FBXO24: variants seen among roughly 807,000 people sequenced by gnomAD.
FBXO24 encodes F-box protein 24.
Under a neutral mutation model 63.5 loss-of-function variants are expected in FBXO24, and 30 were observed. That is an observed-to-expected ratio of 0.47 (90% confidence interval 0.35 to 0.64). FBXO24 has a LOEUF of 0.64. FBXO24 is among the 30% of genes least tolerant of loss of function. The probability of loss-of-function intolerance (pLI) is 0.00; values close to 1 mark genes in which losing one functional copy is unlikely to be tolerated. For missense variants in FBXO24, 624 were observed against 763.4 expected, an observed-to-expected ratio of 0.82 and a Z score of 2.15; for synonymous variants, 300 against 305.0, an observed-to-expected ratio of 0.98 and a Z score of 0.17.
rs1802565336 is a variant in FBXO24, at chr7:100,600,723, C to T, written c.1567C>T (p.Leu523Phe). The T allele has an allele frequency of 6.2e-7, 1 of 1,614,184 alleles. No individual in the cohort carries two copies. Among genetic ancestry groups the T allele is most frequent in the Non-Finnish European group, 8.5e-7 (1 of 1,180,028 alleles). ...GGMAQACEEY[L>F]SQIHSCQTLQ... ...GATGGCCCAGGCCTGCGAGGAGTAC[C>T]TCAGCCAGATCCACAGTTGCCAAAC... is the stretch of plus-strand genomic sequence containing the variant. Residue 523 changes from leucine (L) to phenylalanine (F), a missense_variant, in exon 10 of 10, where the codon CTC becomes TTC. Around this residue, in one of 3 missense-constraint regions of FBXO24, gnomAD observed 216 missense variants for 245.2 expected, o/e 0.88. Coordinates refer to ENST00000241071, the MANE Select transcript of FBXO24 (RefSeq NM_033506.3). This position sits in a 1 kb window ranked among gnomAD's most constrained non-coding sequence, Gnocchi z 6.3.
At chr7:100,586,787 A>G (rs775696010) in intron 1 of FBXO24, 123 bp downstream of exon 1, 2 of 1,056,712 alleles carry the variant, frequency 1.9e-6, no homozygotes, top group Admixed American at 1.8e-5. Flanking sequence ...GCCGGCGTCC[A>G]GGGCTTGAGG....
chr7:100,600,613 C>A lies in FBXO24; in HGVS notation c.1457C>A (p.Ala486Asp), dbSNP rs760585328. 17 of 1,613,354 alleles carry A rather than the reference C, an allele frequency of 1.1e-5. No individual in the cohort carries two copies. The highest frequency in any genetic ancestry group is 1.4e-5 in the Non-Finnish European group (17 of 1,179,566). ...TCCAGCCACGACATTGAGCAGCACGCCCCCTATCGCCACCTGCCAGCCAGC... is the reference window on the plus strand; with the variant it reads ...TCCAGCCACGACATTGAGCAGCACGACCCCTATCGCCACCTGCCAGCCAGC... ...ILSSHDIEQH[A>D]PYRHLPASRV... Residue 486 changes from alanine to aspartate, a missense_variant, in exon 10 of 10, where the codon GCC becomes GAC. By Grantham distance (126) the Ala-to-Asp change is moderately radical. Coordinates refer to ENST00000241071, the MANE Select transcript of FBXO24 (RefSeq NM_033506.3). This position sits in a 1 kb window ranked among gnomAD's most constrained non-coding sequence, Gnocchi z 6.3.
chr7:100,592,938 G>T lies in FBXO24; in HGVS notation c.714G>T (p.Met238Ile). 1 of 1,614,174 alleles carries T rather than the reference G, an allele frequency of 6.2e-7. No homozygotes were observed. The highest frequency in any genetic ancestry group is 1.1e-5 in the South Asian group (1 of 91,070). ...CTAGTGGGCAGCGGGTCTTCAAGAT[G>T]ACATTCCACCACTCAATGACCTTCA... ...LQSSGQRVFK[M>I]TFHHSMTFKQ... is the part of the protein sequence containing the mutation. Residue 238 changes from methionine to isoleucine, a missense_variant, in exon 5 of 10, where the codon ATG becomes ATT. Met to Ile is a conservative substitution (Grantham distance 10). This residue lies in a region of FBXO24 where 391 missense variants were observed against 469.1 expected (regional missense o/e 0.83). Transcript: ENST00000241071.
At chr7:100,589,165 C>T (rs1356756046) in intron 1 of FBXO24, among the ~76,000 whole-genome samples, 2 of 152,136 alleles carry the variant, frequency 1.3e-5, no homozygotes, top group Non-Finnish European at 1.5e-5. Flanking sequence ...TTTCACAAGT[C>T]TAAAGAGTTT....
chr7:100,594,671 G>C lies in FBXO24; in HGVS notation c.952+130G>C. The C allele has an allele frequency of 9.0e-7, 1 of 1,105,550 alleles. No individual in the cohort carries two copies. The highest frequency in any genetic ancestry group is 1.2e-6 in the Non-Finnish European group (1 of 818,492). 68.5% of individuals were successfully genotyped at this position (1,105,550 alleles called of 1,614,324 possible). Reference sequence around the variant, plus strand: ...ATCCTAGTGAAAAGATGTGTTTAGGGCCGGCATGGTGACTCATGCCTGTAA... The same window carrying C: ...ATCCTAGTGAAAAGATGTGTTTAGGCCCGGCATGGTGACTCATGCCTGTAA... On this transcript the variant is annotated intron_variant, in intron 6 of 9. Coordinates refer to ENST00000241071, the MANE Select transcript of FBXO24 (RefSeq NM_033506.3). The surrounding 1 kb of genome is among the most constrained non-coding windows in gnomAD (Gnocchi z 4.2).
Position 100,586,532 on chromosome 7 carries a change from T to G in FBXO24, c.-94T>G. The G allele has an allele frequency of 7.5e-7, 1 of 1,325,128 alleles. No individual in the cohort carries two copies. The highest frequency in any genetic ancestry group is 1.2e-5 in the South Asian group (1 of 83,874). 82.1% of individuals were successfully genotyped at this position (1,325,128 alleles called of 1,614,324 possible). A position where few individuals can be genotyped will look rare whatever the true frequency, so the allele number is the denominator to read the frequency against. ...CCCCAAAGACCAATCGTAAGCCAGA[T>G]ACAGGCGAGTGACTGTCAAGAAGGC... On this transcript the variant is annotated 5_prime_UTR_variant, in exon 1 of 10. Coordinates refer to ENST00000241071, the MANE Select transcript of FBXO24 (RefSeq NM_033506.3).
In FBXO24 at chr7:100,592,944, C is replaced by A; in HGVS notation, c.720C>A (p.Phe240Leu). 6.2e-7 allele frequency: 1 copy of A among 1,614,162 alleles called. No individual in the cohort carries two copies. Among genetic ancestry groups the A allele is most frequent in the Non-Finnish European group, 8.5e-7 (1 of 1,180,042 alleles). ...GGCAGCGGGTCTTCAAGATGACATTCCACCACTCAATGACCTTCAAGCAGA... is the reference window on the plus strand; with the variant it reads ...GGCAGCGGGTCTTCAAGATGACATTACACCACTCAATGACCTTCAAGCAGA... ...SSGQRVFKMT[F>L]HHSMTFKQIV... Residue 240 changes from phenylalanine to leucine, a missense_variant, in exon 5 of 10, where the codon TTC becomes TTA. By Grantham distance (22) the Phe-to-Leu change is conservative. Coordinates refer to ENST00000241071, the MANE Select transcript of FBXO24 (RefSeq NM_033506.3).
At position 100,586,492 on chromosome 7, in the gene FBXO24, T is replaced by A. The variant is rs996199404; in HGVS notation, c.-134T>A. Reference sequence around the variant, plus strand: ...GGGCCGAGGGACCGCAAGCAGGGGGTGCCTAGTCCTCGTCCCCCAAAGACC... The same window carrying A: ...GGGCCGAGGGACCGCAAGCAGGGGGAGCCTAGTCCTCGTCCCCCAAAGACC... On this transcript the variant is annotated 5_prime_UTR_variant, in exon 1 of 10. Transcript: ENST00000241071. The A allele has an allele frequency of 3.0e-5, 27 of 889,932 alleles. No individual in the cohort carries two copies. The highest frequency in any genetic ancestry group is 2.2e-4 in the Middle Eastern group (1 of 4,580). 55.1% of individuals were successfully genotyped at this position (889,932 alleles called of 1,614,324 possible).
chr7:100,592,978 G>T lies in FBXO24; in HGVS notation c.754G>T (p.Val252Phe). 6.2e-7 allele frequency: 1 copy of T among 1,614,138 alleles called. No homozygotes were observed. Among genetic ancestry groups the T allele is most frequent in the Non-Finnish European group, 8.5e-7 (1 of 1,180,030 alleles). ...HSMTFKQIVL[V>F]GQETQRALLL... ...AATGACCTTCAAGCAGATCGTGCTGGTTGGTCAGGAGACCCAGCGGGCTCT... is the reference window on the plus strand; with the variant it reads ...AATGACCTTCAAGCAGATCGTGCTGTTTGGTCAGGAGACCCAGCGGGCTCT... Residue 252 changes from valine to phenylalanine, a missense_variant, in exon 5 of 10, where the codon GTT (valine) becomes TTT (phenylalanine). Around this residue, in one of 3 missense-constraint regions of FBXO24, gnomAD observed 391 missense variants for 469.1 expected, o/e 0.83. Transcript: ENST00000241071.
In FBXO24 at chr7:100,594,355, C is replaced by A; in HGVS notation, c.794-28C>A. The A allele has an allele frequency of 1.2e-6, 2 of 1,608,532 alleles. No homozygotes were observed. The highest frequency in any genetic ancestry group is 2.2e-5 in the South Asian group (2 of 90,212). ...TATGTGGATATTGGAGAATCCCCTC[C>A]CCAACTAATTGCTTCCCCTACCCCC... On this transcript the variant is annotated intron_variant, in intron 5 of 9. Transcript: ENST00000241071. The surrounding 1 kb of genome is among the most constrained non-coding windows in gnomAD (Gnocchi z 4.2).
Position 100,590,317 on chromosome 7 carries a change from T to C in FBXO24, c.282T>C (p.Gly94=), listed in dbSNP as rs1394410561. 1 of 1,614,030 alleles carries C rather than the reference T, an allele frequency of 6.2e-7. No homozygotes were observed. Among genetic ancestry groups the C allele is most frequent in the South Asian group, 1.1e-5 (1 of 91,062 alleles). The change falls in exon 3 of 10, where the codon GGT becomes GGC. Residue 94 remains glycine (G), a synonymous_variant. Transcript: ENST00000241071. ...RRLSPRLQDQ[G]SGVRPWKRAA... ...TCAGTCCGCGCCTCCAAGATCAGGG[T>C]TCTGGAGTCCGGCCCTGGAAGAGAG...
At chr7:100,599,823 C>T in intron 8 of FBXO24, 1 of 582,586 alleles carries the variant, frequency 1.7e-6, no homozygotes, top group Non-Finnish European at 3.0e-6. Flanking sequence ...AGATGAGATA[C>T]CAACAGAAGT....
rs150271092 is a variant in FBXO24, at chr7:100,590,301, G to A, written c.266G>A (p.Arg89His). Residue 89 changes from arginine to histidine, a missense_variant, in exon 3 of 10, where the codon CGC becomes CAC. Physicochemically the swap from Arg to His is conservative, Grantham distance 29. Coordinates refer to ENST00000241071, the MANE Select transcript of FBXO24 (RefSeq NM_033506.3). ...WRRICRRLSPRLQDQGSGVRP... is the reference protein window; with the variant it reads ...WRRICRRLSPHLQDQGSGVRP... Reference sequence around the variant, plus strand: ...CGCATCTGTCGCAGACTCAGTCCGCGCCTCCAAGATCAGGGTTCTGGAGTC... The same window carrying A: ...CGCATCTGTCGCAGACTCAGTCCGCACCTCCAAGATCAGGGTTCTGGAGTC... 3 of 1,614,008 alleles carry A rather than the reference G, an allele frequency of 1.9e-6. No individual in the cohort carries two copies. The highest frequency in any genetic ancestry group is 2.7e-5 in the African/African-American group (2 of 74,924).
At chr7:100,595,788 T>A in intron 8 of FBXO24, 82 bp downstream of exon 8, 1 of 1,477,318 alleles carries the variant, frequency 6.8e-7, no homozygotes. Flanking sequence ...TTCTCCAGAT[T>A]CCACAGAATC....
intron 8 of FBXO24, 64 bp from the exon 9 acceptor site, chr7:100,599,967 T>TGCC: frequency 1.2e-4 from 174 of 1,496,508 alleles, no homozygotes; most frequent in Non-Finnish European, 1.5e-4. Flanking sequence ...GTCAACCTTT[T>TGCC]CCCACCCCAG....
Position 100,589,975 on chromosome 7 carries a change from A to G in FBXO24, c.40-2A>G. On this transcript the variant is annotated splice_acceptor_variant, in intron 1 of 9. Coordinates refer to ENST00000241071, the MANE Select transcript of FBXO24 (RefSeq NM_033506.3). LOFTEE classifies it high-confidence loss of function. ...GGACCCTATGCACCCCTTCTTGGGT[A>G]GGTGAAGAGAAGCTGCCCTTCTTGT... The G allele has an allele frequency of 6.2e-7, 1 of 1,612,402 alleles. No homozygotes were observed. The highest frequency in any genetic ancestry group is 8.5e-7 in the Non-Finnish European group (1 of 1,179,280).
At position 100,594,680 on chromosome 7, in the gene FBXO24, G is replaced by C. The variant is rs1405847953; in HGVS notation, c.952+139G>C. 2 of 1,006,130 alleles carry C rather than the reference G, an allele frequency of 2.0e-6. No homozygotes were observed. Among genetic ancestry groups the C allele is most frequent in the Non-Finnish European group, 2.7e-6 (2 of 729,714 alleles). The allele number at this position is 1,006,130 out of a possible 1,614,324, so 62.3% of individuals were successfully genotyped here. On this transcript the variant is annotated intron_variant, in intron 6 of 9. Transcript: ENST00000241071. This position sits in a 1 kb window ranked among gnomAD's most constrained non-coding sequence, Gnocchi z 4.2. ...AAAAGATGTGTTTAGGGCCGGCATG[G>C]TGACTCATGCCTGTAATCCCATCAC...
intron 4 of FBXO24, 63 bp downstream of exon 4, chr7:100,591,965 A>C: frequency 6.5e-7 from 1 of 1,532,966 alleles, no homozygotes; most frequent in Non-Finnish European, 9.0e-7. Flanking sequence ...ACACTGCTAT[A>C]AAGACGTACC....
chr7:100,591,687 C>G lies in FBXO24; in HGVS notation c.343C>G (p.Gln115Glu). ...ILNYTKGLYFQAFGGRRRCLS... is the reference protein window; with the variant it reads ...ILNYTKGLYFEAFGGRRRCLS... The stretch of plus-strand genomic sequence containing the variant: ...TCCAGACACGAAGGGCCTGTATTTC[C>G]AGGCATTTGGAGGCCGCCGCCGATG... Residue 115 changes from glutamine to glutamate, a missense_variant, in exon 4 of 10, where the codon CAG becomes GAG. By Grantham distance (29) the Gln-to-Glu change is conservative. This residue lies in a region of FBXO24 where 391 missense variants were observed against 469.1 expected (regional missense o/e 0.83). Transcript: ENST00000241071. The G allele has an allele frequency of 6.2e-7, 1 of 1,614,192 alleles. No individual in the cohort carries two copies. The highest frequency in any genetic ancestry group is 8.5e-7 in the Non-Finnish European group (1 of 1,180,038).
Sources: allele counts gnomAD v4.1 joint callset (sites outside exome capture counted in the v4.1 genomes callset), GRCh38; gene constraint gnomAD v4.1.1; regional missense constraint gnomAD v4.1.1; non-coding constraint Gnocchi (gnomAD v3.1); transcripts MANE v1.5; gene names NCBI Gene and HGNC (gene_info 2026-07-23, HGNC 2026-07-21).